C10orf143: variants seen among roughly 807,000 people sequenced by gnomAD.
The protein encoded by C10orf143 is uncharacterized protein C10orf143.
chr10:130,061,859 G>T (rs1043748305), downstream of C10orf143, among the ~76,000 whole-genome samples: 8 of 152,164 alleles, frequency 5.3e-5, no homozygotes, highest in African/African-American at 1.7e-4. Context: ...GCTCCTCCAG[G>T]TAATCCCAGC....
chr10:130,105,449 G>A (rs998552930), intron 1 of C10orf143, among the ~76,000 whole-genome samples: 1 of 152,126 alleles, frequency 6.6e-6, no homozygotes, highest in African/African-American at 2.4e-5. Context: ...AGATAATCCA[G>A]GATGGGCACG....
At chr10:130,110,063 G>GT (rs1431962210) in intron 1 of C10orf143, among the ~76,000 whole-genome samples, 2 of 152,056 alleles carry the variant, frequency 1.3e-5, no homozygotes, top group East Asian at 1.9e-4. Flanking sequence ...CTCCAACACT[G>GT]TTTTTTGTCA....
rs183920337 is a variant in C10orf143, at chr10:130,092,279, G to T, written c.70-12378C>A. ...CAATATTCAACATTCTTAAAGAAAA[G>T]AATTTTCAACCCAGAATTTCATATT... On this transcript the variant is annotated intron_variant, in intron 1 of 3. Transcript: ENST00000637128. Among the ~76,000 whole-genome samples, 829 of 152,268 alleles carry T rather than the reference G, an allele frequency of 5.4e-3. 9 individuals are homozygous for T. The highest frequency in any genetic ancestry group is 0.019 in the African/African-American group (771 of 41,538).
chr10:130,039,821 G>A (rs1439647710), intron 3 of C10orf143, among the ~76,000 whole-genome samples: 1 of 152,142 alleles, frequency 6.6e-6, no homozygotes, highest in African/African-American at 2.4e-5. Flanking sequence ...CAAGGGTACT[G>A]TGGATGACTC....
In C10orf143 at chr10:130,056,187, A is replaced by G. The variant is rs994103867; in HGVS notation, c.298-20217T>C. On this transcript the variant is annotated intron_variant and NMD_transcript_variant, in intron 3 of 5. Transcript: ENST00000643056. This position sits in a 1 kb window ranked among gnomAD's most constrained non-coding sequence, Gnocchi z 4.6. The stretch of plus-strand genomic sequence containing the variant: ...TTGTTTGTCCTGATTTAGGGCTGAA[A>G]ACATCACCGTGTATTTAGTAAATGT... Among the ~76,000 whole-genome samples, 1 of 152,160 alleles carries G rather than the reference A, an allele frequency of 6.6e-6. No individual in the cohort carries two copies. Among genetic ancestry groups the G allele is most frequent in the Non-Finnish European group, 1.5e-5 (1 of 68,038 alleles).
chr10:130,066,261 C>T (rs1860932634), intron 3 of C10orf143: 1 of 148,150 alleles, frequency 6.7e-6, no homozygotes, highest in African/African-American at 2.5e-5. Context: ...AATGATGGCT[C>T]ACTGCAGCCT....
chr10:130,100,217 CCTG>C (rs1237820231), intron 1 of C10orf143, among the ~76,000 whole-genome samples: 8 of 152,076 alleles, frequency 5.3e-5, no homozygotes, highest in Admixed American at 2.0e-4. Flanking sequence ...GATTTACTCT[CCTG>C]CATGAACTGA....
intron 3 of C10orf143, among the ~76,000 whole-genome samples, chr10:130,044,276 G>A (rs1039600976): frequency 2.0e-5 from 3 of 152,180 alleles, no homozygotes; most frequent in African/African-American, 4.8e-5. Context: ...GATGGGGGCC[G>A]AGCTGGGAAC....
chr10:130,060,439 T>A (rs1282145061), downstream of C10orf143, among the ~76,000 whole-genome samples: 1 of 152,240 alleles, frequency 6.6e-6, no homozygotes, highest in African/African-American at 2.4e-5. Context: ...AATGGTATAC[T>A]GTGTAATCAC....
intron 1 of C10orf143, among the ~76,000 whole-genome samples, chr10:130,093,738 C>T (rs1335067869): frequency 6.6e-5 from 10 of 152,030 alleles, no homozygotes; most frequent in African/African-American, 2.2e-4. Context: ...GGGGGCCAGG[C>T]GCGGTGGCTC....
intron 1 of C10orf143, among the ~76,000 whole-genome samples, chr10:130,082,359 G>A (rs1724766025): frequency 1.3e-5 from 2 of 151,998 alleles, no homozygotes; most frequent in African/African-American, 4.8e-5. Context: ...GAGCCATTTG[G>A]AGAAAAGAAA....
At chr10:130,090,628 C>T (rs1447243502) in intron 1 of C10orf143, among the ~76,000 whole-genome samples, 2 of 152,148 alleles carry the variant, frequency 1.3e-5, no homozygotes, top group African/African-American at 2.4e-5. Context: ...CAGTGGATCC[C>T]ACCCCCAAGG....
At chr10:130,073,110 A>G (rs1363959565) in intron 3 of C10orf143, among the ~76,000 whole-genome samples, 1 of 152,154 alleles carries the variant, frequency 6.6e-6, no homozygotes, top group African/African-American at 2.4e-5. Context: ...CCATGGTGGT[A>G]GATTTGTTTA....
chr10:130,040,223 G>A (rs1860590519), intron 3 of C10orf143, among the ~76,000 whole-genome samples: 2 of 152,282 alleles, frequency 1.3e-5, no homozygotes, highest in African/African-American at 4.8e-5. Flanking sequence ...CTGCTGGGCT[G>A]AAGGCACCCC....
At chr10:130,075,090 A>G (rs996362464) in intron 3 of C10orf143, among the ~76,000 whole-genome samples, 8 of 148,914 alleles carry the variant, frequency 5.4e-5, no homozygotes, top group Non-Finnish European at 1.2e-4. Flanking sequence ...GCCCTCAATG[A>G]AAAAAAAAAG....
intron 3 of C10orf143, among the ~76,000 whole-genome samples, chr10:130,040,058 T>G (rs1263063859): frequency 2.6e-5 from 4 of 152,148 alleles, no homozygotes; most frequent in Admixed American, 2.6e-4. Context: ...CCTGCCATTC[T>G]CCCTTTCCAT....
chr10:130,041,513 A>T (rs1860606653), intron 3 of C10orf143, among the ~76,000 whole-genome samples: 1 of 152,258 alleles, frequency 6.6e-6, no homozygotes, highest in East Asian at 1.9e-4. Context: ...CAGCACGATT[A>T]TGATTTTTAA....
At chr10:130,107,872 G>A (rs1470614410) in intron 1 of C10orf143, 19 of 1,266,084 alleles carry the variant, frequency 1.5e-5, no homozygotes, top group Admixed American at 6.8e-5. Flanking sequence ...CTCCACCAGC[G>A]CAATCATATC....
At chr10:130,107,037 G>T (rs1861661813) in intron 1 of C10orf143, 3 of 1,385,088 alleles carry the variant, frequency 2.2e-6, no homozygotes, top group African/African-American at 1.4e-5. Flanking sequence ...GAAGGAGAAA[G>T]AAACCAAATT....
Sources: gnomAD v4.1 joint callset for allele counts (sites outside exome capture counted in the v4.1 genomes callset) on GRCh38, gnomAD v4.1.1 for gene constraint, Gnocchi (gnomAD v3.1) non-coding constraint, MANE v1.5 for transcripts, NCBI Gene and HGNC (gene_info 2026-07-23, HGNC 2026-07-21) for gene names.